The following MEGF11 variants were observed in gnomAD, a reference collection of about 807,000 sequenced individuals.
The protein encoded by MEGF11 is multiple epidermal growth factor-like domains protein 11.
Under a neutral mutation model 146.6 loss-of-function variants are expected in MEGF11, and 126 were observed. That is an observed-to-expected ratio of 0.86 (90% CI 0.74 to 1.00). The LOEUF (loss-of-function observed/expected upper bound fraction) is 1.00. Among genes scored for constraint, MEGF11 ranks in the 50% least tolerant of loss-of-function variants. The probability of loss-of-function intolerance (pLI) is 0.00; values close to 1 mark genes in which losing one functional copy is unlikely to be tolerated. For synonymous variants in MEGF11, 532 were observed against 583.4 expected (o/e 0.91, Z 1.27); for missense variants, 1,509 against 1,521.2 (o/e 0.99, Z 0.13).
In MEGF11 at chr15:66,157,608, T is replaced by C. The variant is rs542603162; in HGVS notation, c.-8-29197A>G. ...TCCCTTTCTCCTGCACTAATGTCAT[T>C]AAGAGGGGACATTGTTAGAAGCATT... On this transcript the variant is annotated intron_variant, in intron 1 of 25. Coordinates refer to ENST00000395614, the MANE Select transcript of MEGF11 (RefSeq NM_001385028.1). 3.1e-4 allele frequency among the ~76,000 whole-genome samples: 47 copies of C among 152,334 alleles called. 2 individuals carry two copies. The South Asian group carries it at 9.7e-3, about 32-fold the overall frequency.
chr15:66,091,907 G>A (rs2086337663), intron 5 of MEGF11, among the ~76,000 whole-genome samples: 1 of 152,218 alleles, frequency 6.6e-6, no homozygotes, highest in Non-Finnish European at 1.5e-5. Flanking sequence ...GGAGGAAAAT[G>A]ATCACTATCT....
chr15:65,977,893 T>A (rs2081505366), intron 7 of MEGF11, among the ~76,000 whole-genome samples: 1 of 152,162 alleles, frequency 6.6e-6, no homozygotes, highest in Non-Finnish European at 1.5e-5. Context: ...CCCACTCACA[T>A]GAAACTACTC....
chr15:65,982,475 G>T lies in MEGF11; in HGVS notation c.408C>A (p.Asp136Glu). ...GGTTGCTGCAGTGGGGCCCCCAGTGGTCGCTGTCGCAGCCTGCAAGAGACG... is the reference window on the plus strand; with the variant it reads ...GGTTGCTGCAGTGGGGCCCCCAGTGTTCGCTGTCGCAGCCTGCAAGAGACG... ...GPDCSSGCDS[D>E]HWGPHCSNRC... The change falls in exon 6 of 26, where the codon GAC becomes GAA. Residue 136 changes from aspartate (D) to glutamate (E), a missense_variant. By Grantham distance (45) the Asp-to-Glu change is conservative. Coordinates refer to ENST00000395614, the MANE Select transcript of MEGF11 (RefSeq NM_001385028.1). This position sits in a 1 kb window ranked among gnomAD's most constrained non-coding sequence, Gnocchi z 5.6. The T allele has an allele frequency of 6.8e-7, 1 of 1,479,016 alleles. No individual in the cohort carries two copies. Among genetic ancestry groups the T allele is most frequent in the Non-Finnish European group, 9.0e-7 (1 of 1,114,222 alleles). The allele number at this position is 1,479,016 out of a possible 1,614,324, so 91.6% of individuals were successfully genotyped here. A position where few individuals can be genotyped will look rare whatever the true frequency, so the allele number is the denominator to read the frequency against.
chr15:66,208,608 G>A (rs1383989101), intron 1 of MEGF11, among the ~76,000 whole-genome samples: 1 of 152,124 alleles, frequency 6.6e-6, no homozygotes, highest in Non-Finnish European at 1.5e-5. Flanking sequence ...CCAGCTGGGA[G>A]TGGCAGCTCA....
At chr15:65,964,303 G>A (rs925351636) in intron 9 of MEGF11, among the ~76,000 whole-genome samples, 4 of 152,182 alleles carry the variant, frequency 2.6e-5, no homozygotes, top group African/African-American at 9.7e-5. Flanking sequence ...TGCTGGGGGA[G>A]GGGCTGGCCC....
chr15:66,066,919 C>T (rs754245122), intron 5 of MEGF11, among the ~76,000 whole-genome samples: 14 of 152,200 alleles, frequency 9.2e-5, no homozygotes, highest in Non-Finnish European at 1.8e-4. Context: ...CTGCCTGTCA[C>T]CCACAATTGA....
intron 5 of MEGF11, among the ~76,000 whole-genome samples, chr15:66,018,159 G>A (rs1451076423): frequency 6.6e-6 from 1 of 152,202 alleles, no homozygotes; most frequent in Non-Finnish European, 1.5e-5. Flanking sequence ...GAGGCTGGCT[G>A]GGCCACAGAG....
rs2088335694 is a variant in MEGF11 at position 66,126,228 on chromosome 15, C to T, written c.98+2078G>A. Among the ~76,000 whole-genome samples, 2 of 152,190 alleles carry T rather than the reference C, an allele frequency of 1.3e-5. 1 individual carries two copies. The highest frequency in any genetic ancestry group is 4.1e-4 in the South Asian group (2 of 4,826). On this transcript the variant is annotated intron_variant, in intron 2 of 25. Coordinates refer to ENST00000395614, the MANE Select transcript of MEGF11 (RefSeq NM_001385028.1). Reference sequence around the variant, plus strand: ...GGACCGGGGTGTGTTTCTGGAACAACACAGGCTAGATCCCTCCACATATAA... The same window carrying T: ...GGACCGGGGTGTGTTTCTGGAACAATACAGGCTAGATCCCTCCACATATAA...
chr15:65,949,115 G>C (rs1276187138), intron 10 of MEGF11, among the ~76,000 whole-genome samples: 2 of 152,178 alleles, frequency 1.3e-5, no homozygotes, highest in Non-Finnish European at 2.9e-5. Context: ...CATGTCACCT[G>C]GCTGTCATTT....
At chr15:66,238,657 C>CAGG (rs2092146074) in intron 1 of MEGF11, among the ~76,000 whole-genome samples, 1 of 152,218 alleles carries the variant, frequency 6.6e-6, no homozygotes, top group Non-Finnish European at 1.5e-5. Flanking sequence ...TATCATAACC[C>CAGG]TGACTGTACA....
chr15:66,017,828 G>T (rs1317937594), intron 5 of MEGF11, among the ~76,000 whole-genome samples: 1 of 152,202 alleles, frequency 6.6e-6, no homozygotes, highest in African/African-American at 2.4e-5. Flanking sequence ...GGGAGAACCT[G>T]ATTTGTCAGG....
intron 5 of MEGF11, among the ~76,000 whole-genome samples, chr15:66,065,905 C>T (rs2085104084): frequency 6.6e-6 from 1 of 152,154 alleles, no homozygotes; most frequent in African/African-American, 2.4e-5. Context: ...TCTCCTGGCA[C>T]AGAGGGGCTG....
chr15:66,224,489 C>T (rs998385493), intron 1 of MEGF11, among the ~76,000 whole-genome samples: 1 of 151,652 alleles, frequency 6.6e-6, no homozygotes, highest in East Asian at 1.9e-4. Context: ...GAGGCTGAGG[C>T]AAGAGAATCA....
chr15:66,093,184 C>T (rs1453807338), intron 5 of MEGF11, among the ~76,000 whole-genome samples: 1 of 152,184 alleles, frequency 6.6e-6, no homozygotes, highest in Non-Finnish European at 1.5e-5. Context: ...AGATCATGGA[C>T]TCCCTGAGCT....
intron 10 of MEGF11, among the ~76,000 whole-genome samples, chr15:65,941,702 T>C (rs541282497): frequency 6.6e-6 from 1 of 152,272 alleles, no homozygotes; most frequent in Non-Finnish European, 1.5e-5. Context: ...CTGGCTAATA[T>C]GGACTTATTG....
chr15:66,079,898 G>T (rs979685899), intron 5 of MEGF11, among the ~76,000 whole-genome samples: 1 of 152,132 alleles, frequency 6.6e-6, no homozygotes, highest in Non-Finnish European at 1.5e-5. Flanking sequence ...AAAGGTCTGG[G>T]CTCCCACAAG....
intron 1 of MEGF11, among the ~76,000 whole-genome samples, chr15:66,236,454 G>C (rs1259705835): frequency 6.6e-6 from 1 of 152,176 alleles, no homozygotes; most frequent in African/African-American, 2.4e-5. Context: ...AGGCAAAAGG[G>C]AGAGAAGTCC....
chr15:66,181,438 TCA>T (rs750542477), intron 1 of MEGF11, among the ~76,000 whole-genome samples: 13 of 152,318 alleles, frequency 8.5e-5, no homozygotes, highest in Non-Finnish European at 1.8e-4. Flanking sequence ...GCACACACAT[TCA>T]CACTTTAGTG....
rs1262563226 is a variant in MEGF11, at chr15:66,069,865, T to TGG, written c.394+24536_394+24537insCC. Among the ~76,000 whole-genome samples the TGG allele has an allele frequency of 3.3e-5, 5 of 152,348 alleles. No homozygotes were observed. In the East Asian group the frequency reaches 7.7e-4, roughly 23 times the overall value. On this transcript the variant is annotated intron_variant, in intron 5 of 25. Transcript: ENST00000395614. ...TGTCACCACTACTCAACTCTGCTGT[T>TGG]ACAGTGAGAAAGCAGTCACAGGCAA...
Sources: gnomAD v4.1 joint callset for allele counts (sites outside exome capture counted in the v4.1 genomes callset) on GRCh38, gnomAD v4.1.1 for gene constraint, Gnocchi (gnomAD v3.1) non-coding constraint, MANE v1.5 for transcripts, NCBI Gene and HGNC (gene_info 2026-07-23, HGNC 2026-07-21) for gene names.